Variants in ZNF746 observed in about 807,000 individuals in gnomAD.
ZNF746 encodes parkin-interacting substrate.
A neutral mutation model predicts 41.0 loss-of-function variants in ZNF746; 13 were observed. The observed-to-expected ratio is 0.32, with a 90% confidence interval of 0.21 to 0.50. ZNF746 has a LOEUF of 0.50. Ranked by LOEUF, ZNF746 falls within the 20% of genes least tolerant of loss-of-function variation. ZNF746 has a pLI of 0.98. For missense variants in ZNF746, 811 were observed against 922.9 expected, an observed-to-expected ratio of 0.88 and a Z score of 1.57; for synonymous variants, 424 against 396.2, an observed-to-expected ratio of 1.07 and a Z score of -0.83.
intron 4 of ZNF746, among the ~76,000 whole-genome samples, chr7:149,478,183 C>T (rs1269309642): frequency 2.6e-5 from 4 of 151,610 alleles, no homozygotes; most frequent in Non-Finnish European, 5.9e-5. Flanking sequence ...ACAGAGAACA[C>T]ACAGAGTCAA....
intron 6 of ZNF746, 72 bp from the exon 7 acceptor site, chr7:149,475,555 C>T: frequency 2.0e-6 from 3 of 1,537,226 alleles, no homozygotes; most frequent in South Asian, 2.5e-5. Context: ...GCCACCATCA[C>T]CTGCTCAGCA....
intron 4 of ZNF746, among the ~76,000 whole-genome samples, chr7:149,492,288 T>G (rs548018936): frequency 2.0e-5 from 3 of 152,222 alleles, no homozygotes; most frequent in Non-Finnish European, 2.9e-5. Flanking sequence ...TTTATGATGC[T>G]CCACTTCCAC....
chr7:149,474,154 A>G lies in ZNF746; in HGVS notation c.*230T>C. On this transcript the variant is annotated 3_prime_UTR_variant, in exon 7 of 7. Transcript: ENST00000458143. This position sits in a 1 kb window ranked among gnomAD's most constrained non-coding sequence, Gnocchi z 6.3. ...CAAAAAACAAAACAGGTTTGCAATTAAATTACTTAAAATTCTACGGCGCTC... is the reference window on the plus strand; with the variant it reads ...CAAAAAACAAAACAGGTTTGCAATTGAATTACTTAAAATTCTACGGCGCTC... 1 of 536,942 alleles carries G rather than the reference A, an allele frequency of 1.9e-6. No individual in the cohort carries two copies. Among genetic ancestry groups the G allele is most frequent in the Non-Finnish European group, 3.3e-6 (1 of 307,390 alleles). 33.3% of individuals were successfully genotyped at this position (536,942 alleles called of 1,614,324 possible).
Position 149,497,140 on chromosome 7 carries a change from G to A in ZNF746, c.24+373C>T, listed in dbSNP as rs1801028749. ...TCCCAGGTGCCACCAGGCCGCTGCGGGGGAGATGGAGAGGGACCTACAGGC... is the reference window on the plus strand; with the variant it reads ...TCCCAGGTGCCACCAGGCCGCTGCGAGGGAGATGGAGAGGGACCTACAGGC... On this transcript the variant is annotated intron_variant, in intron 1 of 6. Transcript: ENST00000458143. This position sits in a 1 kb window ranked among gnomAD's most constrained non-coding sequence, Gnocchi z 4.2. 1 of 985,222 alleles carries A rather than the reference G, an allele frequency of 1.0e-6. No homozygotes were observed. The highest frequency in any genetic ancestry group is 1.2e-6 in the Non-Finnish European group (1 of 829,904). 61.0% of individuals were successfully genotyped at this position (985,222 alleles called of 1,614,324 possible).
rs745759563 is a variant in ZNF746, at chr7:149,475,339, C to T, written c.1028G>A (p.Gly343Glu). 4 of 1,613,998 alleles carry T rather than the reference C, an allele frequency of 2.5e-6. No individual in the cohort carries two copies. Among genetic ancestry groups the T allele is most frequent in the African/African-American group, 2.7e-5 (2 of 74,912 alleles). ...TRFFPSPAQE[G>E]AWESQGSSFP... The stretch of plus-strand genomic sequence containing the variant: ...GGAGCTGCCCTGGCTTTCCCAGGCT[C>T]CTTCCTGGGCAGGACTAGGGAAGAA... The change falls in exon 7 of 7, where the codon GGA becomes GAA. Residue 343 changes from glycine to glutamate, a missense_variant. Coordinates refer to ENST00000458143, the MANE Select transcript of ZNF746 (RefSeq NM_001394198.1).
At chr7:149,477,856 G>A in intron 4 of ZNF746, 101 bp from the exon 5 acceptor site, 1 of 1,007,810 alleles carries the variant, frequency 9.9e-7, no homozygotes, top group Non-Finnish European at 1.4e-6. Context: ...CCTTACAAGG[G>A]TCCAACAGCA....
chr7:149,484,044 T>G (rs1800554316), intron 4 of ZNF746, among the ~76,000 whole-genome samples: 1 of 152,144 alleles, frequency 6.6e-6, no homozygotes, highest in Non-Finnish European at 1.5e-5. Context: ...GTCCTGTAAC[T>G]AAAATAAATT....
rs1286705095 is a variant in ZNF746, at chr7:149,497,440, G to T, written c.24+73C>A. ...CCCGGAACCCCTCCCCAGGGCCTGC[G>T]GCGCCGTGTGCCGGGGCCGGGCCGC... On this transcript the variant is annotated intron_variant, in intron 1 of 6. Transcript: ENST00000458143. This position sits in a 1 kb window ranked among gnomAD's most constrained non-coding sequence, Gnocchi z 4.2. 68 of 1,055,200 alleles carry T rather than the reference G, an allele frequency of 6.4e-5. 1 individual carries two copies. Among genetic ancestry groups the T allele is most frequent in the Non-Finnish European group, 2.6e-5 (23 of 876,246 alleles). 65.4% of individuals were successfully genotyped at this position (1,055,200 alleles called of 1,614,324 possible).
rs1459627781 is a variant in ZNF746, at chr7:149,474,828, G to C, written c.1539C>G (p.Gly513=). 1.2e-4 allele frequency: 169 copies of C among 1,418,906 alleles called. No individual in the cohort carries two copies. Among genetic ancestry groups the C allele is most frequent in the Non-Finnish European group, 1.5e-4 (165 of 1,092,904 alleles). The allele number at this position is 1,418,906 out of a possible 1,614,324, so 87.9% of individuals were successfully genotyped here. The change falls in exon 7 of 7, where the codon GGC becomes GGG. Residue 513 remains glycine, a synonymous_variant. Transcript: ENST00000458143. This position sits in a 1 kb window ranked among gnomAD's most constrained non-coding sequence, Gnocchi z 6.3. ...GGGSGSGGGG[G]GSGGGSARDG... ...CCCGTGCGCTGCCCCCACCGCTGCC[G>C]CCACCGCCGCCGCCACTGCCGCTGC...
Position 149,494,152 on chromosome 7 carries a change from C to T in ZNF746, c.325-37G>A. ...AGTGTCACACTCGCTCACCCACACG[C>T]TCACGGGTTTGGCCGCTTGGGCTCC... On this transcript the variant is annotated intron_variant, in intron 2 of 6. Coordinates refer to ENST00000458143, the MANE Select transcript of ZNF746 (RefSeq NM_001394198.1). This position sits in a 1 kb window ranked among gnomAD's most constrained non-coding sequence, Gnocchi z 5.6. The T allele has an allele frequency of 1.2e-6, 2 of 1,614,040 alleles. No individual in the cohort carries two copies. Among genetic ancestry groups the T allele is most frequent in the Non-Finnish European group, 1.7e-6 (2 of 1,179,902 alleles).
chr7:149,476,948 T>C lies in ZNF746; in HGVS notation c.857A>G (p.Lys286Arg). 1 of 1,614,004 alleles carries C rather than the reference T, an allele frequency of 6.2e-7. No homozygotes were observed. The highest frequency in any genetic ancestry group is 8.5e-7 in the Non-Finnish European group (1 of 1,179,972). ...PSSACSDGTLKLNTAASTEAD... is the reference protein window; with the variant it reads ...PSSACSDGTLRLNTAASTEAD... ...TTCCGTGGAGGCTGCTGTGTTGAGC[T>C]TCAGGGTCCCGTCCGAGCATGCTGA... Residue 286 changes from lysine (K) to arginine (R), a missense_variant, in exon 6 of 7, where the codon AAG (lysine) becomes AGG (arginine). Physicochemically the swap from Lys to Arg is conservative, Grantham distance 26 (BLOSUM62 2). Around this residue, in one of 4 missense-constraint regions of ZNF746, gnomAD observed 495 missense variants for 481.6 expected, o/e 1.03. Transcript: ENST00000458143.
chr7:149,475,662 C>G (rs903705738), intron 6 of ZNF746, among the ~76,000 whole-genome samples, 179 bp from the exon 7 acceptor site: 1 of 152,156 alleles, frequency 6.6e-6, no homozygotes, highest in South Asian at 2.1e-4. Context: ...GCCTCCCCCT[C>G]GAGGACACCA....
At chr7:149,482,004 C>A (rs1258807909) in intron 4 of ZNF746, among the ~76,000 whole-genome samples, 1 of 152,166 alleles carries the variant, frequency 6.6e-6, no homozygotes, top group African/African-American at 2.4e-5. Context: ...GTTAACAGTA[C>A]ATTTTATTTA....
Position 149,494,596 on chromosome 7 carries a change from G to C in ZNF746, c.25-93C>G. 2 of 1,475,322 alleles carry C rather than the reference G, an allele frequency of 1.4e-6. No individual in the cohort carries two copies. The highest frequency in any genetic ancestry group is 1.9e-6 in the Non-Finnish European group (2 of 1,076,822). The allele number at this position is 1,475,322 out of a possible 1,614,324, so 91.4% of individuals were successfully genotyped here. On this transcript the variant is annotated intron_variant, in intron 1 of 6. Transcript: ENST00000458143. This position sits in a 1 kb window ranked among gnomAD's most constrained non-coding sequence, Gnocchi z 5.6. ...CCTAGGCACGGGGGAGTTGGGCTGG[G>C]AGTCCATATGTGTGGACAAGTGGGG...
intron 4 of ZNF746, among the ~76,000 whole-genome samples, chr7:149,480,814 T>C (rs143814755): frequency 3.3e-4 from 51 of 152,276 alleles, no homozygotes; most frequent in Non-Finnish European, 6.8e-4. Context: ...GTGAACTAAC[T>C]AGAAGATAGA....
chr7:149,495,415 G>T (rs1800962880), intron 1 of ZNF746, among the ~76,000 whole-genome samples: 1 of 152,166 alleles, frequency 6.6e-6, no homozygotes, highest in South Asian at 2.1e-4. Context: ...AGAGACGGGG[G>T]CCTTCCCTGT....
At chr7:149,496,934 G>C in intron 1 of ZNF746, 1 of 985,246 alleles carries the variant, frequency 1.0e-6, no homozygotes, top group Non-Finnish European at 1.2e-6. Context: ...CTAGGCCCCG[G>C]GTTTTTCTTT....
chr7:149,489,233 TCACACACACACACACACACACA>T lies in ZNF746; in HGVS notation c.565+3604_565+3625del, dbSNP rs58193586. 57 of 142,732 alleles carry T rather than the reference TCACACACACACACACACACACA, an allele frequency of 4.0e-4. 1 individual carries two copies. In the East Asian group the frequency reaches 4.5e-3, roughly 11 times the overall value. 8.8% of individuals were successfully genotyped at this position (142,732 alleles called of 1,614,324 possible). ...TAAATGCTATCAGAAATACATTATTTCACACACACACACACACACACACACACACACACACACACACGTTTTA... is the reference window on the plus strand; with the variant it reads ...TAAATGCTATCAGAAATACATTATTTCACACACACACACACACACGTTTTA... On this transcript the variant is annotated intron_variant, in intron 4 of 6. Coordinates refer to ENST00000458143, the MANE Select transcript of ZNF746 (RefSeq NM_001394198.1).
rs572055793 is a variant in ZNF746 at position 149,474,888 on chromosome 7, C to T, written c.1479G>A (p.Ala493=). The T allele has an allele frequency of 4.6e-5, 70 of 1,516,392 alleles. No homozygotes were observed. In the Admixed American group the frequency reaches 1.4e-3, roughly 30 times the overall value. The allele number at this position is 1,516,392 out of a possible 1,614,324, so 93.9% of individuals were successfully genotyped here. The change falls in exon 7 of 7, where the codon GCG becomes GCA. Residue 493 remains alanine (A), a synonymous_variant. Coordinates refer to ENST00000458143, the MANE Select transcript of ZNF746 (RefSeq NM_001394198.1). This position sits in a 1 kb window ranked among gnomAD's most constrained non-coding sequence, Gnocchi z 6.3. ...SLSAHQRSCG[A]PDGSGPGTGG... ...CTGTGCCCGGGCCCGACCCGTCGGG[C>T]GCCCCACAGCTGCGCTGGTGCGCGC... is the stretch of plus-strand genomic sequence containing the variant.
Sources: allele counts gnomAD v4.1 joint callset (sites outside exome capture counted in the v4.1 genomes callset), GRCh38; gene constraint gnomAD v4.1.1; regional missense constraint gnomAD v4.1.1; non-coding constraint Gnocchi (gnomAD v3.1); transcripts MANE v1.5; gene names NCBI Gene and HGNC (gene_info 2026-07-23, HGNC 2026-07-21).